Variants in CALCR observed in about 807,000 individuals in gnomAD.
CALCR encodes the protein calcitonin receptor.
In CALCR, 47 loss-of-function variants were observed where a neutral mutation model predicts 59.5. The ratio of observed to expected loss-of-function variants is 0.79; its 90% CI spans 0.63 to 1.01. The LOEUF (loss-of-function observed/expected upper bound fraction) is 1.01. Among genes scored for constraint, CALCR ranks in the 50% least tolerant of loss-of-function variants. The pLI is 0.00. For missense variants in CALCR, 566 were observed against 597.1 expected, an observed-to-expected ratio of 0.95 and a Z score of 0.54; for synonymous variants, 213 against 211.3, an observed-to-expected ratio of 1.01 and a Z score of -0.07.
intron 12 of CALCR, among the ~76,000 whole-genome samples, 190 bp from the exon 13 acceptor site, chr7:93,434,484 G>A (rs1336615321): frequency 6.6e-6 from 1 of 151,746 alleles, no homozygotes; most frequent in Non-Finnish European, 1.5e-5. Flanking sequence ...TTCTTGTTAG[G>A]ATTCCATCGT....
At chr7:93,542,574 T>C (rs1789172638) in intron 2 of CALCR, among the ~76,000 whole-genome samples, 1 of 152,176 alleles carries the variant, frequency 6.6e-6, no homozygotes, top group South Asian at 2.1e-4. Context: ...AATTTTTCTT[T>C]CTCCAATAAT....
At chr7:93,465,877 T>C (rs978814470) in intron 7 of CALCR, among the ~76,000 whole-genome samples, 4 of 151,872 alleles carry the variant, frequency 2.6e-5, no homozygotes, top group African/African-American at 9.7e-5. Context: ...TAGTGAAGTA[T>C]TGGCAGTTCC....
At chr7:93,553,090 T>G (rs934260951) in intron 2 of CALCR, among the ~76,000 whole-genome samples, 1 of 152,160 alleles carries the variant, frequency 6.6e-6, no homozygotes, top group Admixed American at 6.6e-5. Context: ...AGGGAAAAAG[T>G]TTTCAAATAA....
chr7:93,568,551 C>CTCTCTCTG (rs1789924110), intron 2 of CALCR, among the ~76,000 whole-genome samples: 1 of 144,014 alleles, frequency 6.9e-6, no homozygotes, highest in South Asian at 2.2e-4. Flanking sequence ...CTCTCTCTCT[C>CTCTCTCTG]TCTCTGTCTC....
rs574367748 is a variant in CALCR at position 93,503,114 on chromosome 7, T to G, written c.-26-16107A>C. On this transcript the variant is annotated intron_variant, in intron 2 of 13. Coordinates refer to ENST00000426151, the MANE Select transcript of CALCR (RefSeq NM_001742.4). ...ATCTCAGTTTTTTAAAAGAAATGAT[T>G]TTTTCTTTTCCTCAAGTTACATGAT... is the stretch of plus-strand genomic sequence containing the variant. Among the ~76,000 whole-genome samples the G allele has an allele frequency of 2.0e-5, 3 of 152,136 alleles. No homozygotes were observed. The East Asian group carries it at 5.8e-4, about 30-fold the overall frequency.
At chr7:93,473,213 C>T (rs764807949) in intron 5 of CALCR, among the ~76,000 whole-genome samples, 4 of 151,808 alleles carry the variant, frequency 2.6e-5, no homozygotes, top group Non-Finnish European at 5.9e-5. Flanking sequence ...TAAAGATCTC[C>T]ACCTTCGCTA....
At chr7:93,480,234 A>C (rs778121113) in intron 3 of CALCR, among the ~76,000 whole-genome samples, 1 of 151,886 alleles carries the variant, frequency 6.6e-6, no homozygotes, top group African/African-American at 2.4e-5. Context: ...TTCAAAGGTA[A>C]TGTGGGTGTT....
Position 93,549,441 on chromosome 7 carries a change from G to A in CALCR, c.-27+24848C>T, listed in dbSNP as rs114167932. ...CAACTACTGAATTTTCCAGTTTCCT[G>A]AGCATTCTGAATTTGTAAACCATTT... On this transcript the variant is annotated intron_variant, in intron 2 of 13. Transcript: ENST00000426151. Among the ~76,000 whole-genome samples the A allele has an allele frequency of 3.5e-3, 537 of 152,242 alleles. 5 individuals are homozygous for A. The highest frequency in any genetic ancestry group is 0.012 in the African/African-American group (505 of 41,558).
chr7:93,574,014 T>G (rs1790062218), intron 2 of CALCR, among the ~76,000 whole-genome samples: 1 of 152,230 alleles, frequency 6.6e-6, no homozygotes, highest in Non-Finnish European at 1.5e-5. Flanking sequence ...AAAATTGATA[T>G]GAACAACATA....
intron 13 of CALCR, among the ~76,000 whole-genome samples, chr7:93,428,334 G>A (rs1052713151): frequency 2.0e-5 from 3 of 152,230 alleles, no homozygotes; most frequent in Admixed American, 6.5e-5. Flanking sequence ...AAATCATATA[G>A]CTAGAATGTG....
intron 2 of CALCR, among the ~76,000 whole-genome samples, chr7:93,488,117 G>T (rs1800989385): frequency 6.6e-6 from 1 of 151,624 alleles, no homozygotes; most frequent in Non-Finnish European, 1.5e-5. Flanking sequence ...CATTCTTAAA[G>T]AAAAGAATTT....
At chr7:93,438,900 G>GT (rs1157285652) in intron 9 of CALCR, among the ~76,000 whole-genome samples, 2 of 148,538 alleles carry the variant, frequency 1.3e-5, no homozygotes, top group Non-Finnish European at 3.0e-5. Flanking sequence ...CAAAGTGCTA[G>GT]TAAAAAAAAA....
At chr7:93,556,802 G>C (rs569309317) in intron 2 of CALCR, among the ~76,000 whole-genome samples, 2 of 151,772 alleles carry the variant, frequency 1.3e-5, no homozygotes, top group African/African-American at 4.8e-5. Context: ...TTTCCCTATT[G>C]ATTGGCATTT....
chr7:93,431,443 G>A (rs912504294), intron 13 of CALCR, among the ~76,000 whole-genome samples: 2 of 152,160 alleles, frequency 1.3e-5, no homozygotes, highest in African/African-American at 2.4e-5. Flanking sequence ...GGCTCCTCGG[G>A]TGGCTTGGCG....
chr7:93,483,912 C>T (rs780030771), intron 3 of CALCR: 1 of 451,696 alleles, frequency 2.2e-6, no homozygotes, highest in South Asian at 1.6e-5. Context: ...TACAAACAAA[C>T]AAAACTCTTA....
intron 8 of CALCR, among the ~76,000 whole-genome samples, chr7:93,453,485 T>C (rs1313858099): frequency 6.6e-6 from 1 of 151,960 alleles, no homozygotes; most frequent in Non-Finnish European, 1.5e-5. Context: ...CGAGTGTCAC[T>C]TCACAACGTT....
intron 2 of CALCR, among the ~76,000 whole-genome samples, chr7:93,562,071 C>G (rs1789763571): frequency 1.3e-5 from 2 of 151,780 alleles, no homozygotes; most frequent in Non-Finnish European, 2.9e-5. Flanking sequence ...AATGATTCAT[C>G]CAAGAATCTT....
At chr7:93,566,239 C>A in intron 2 of CALCR, among the ~76,000 whole-genome samples, 1 of 152,066 alleles carries the variant, frequency 6.6e-6, no homozygotes, top group East Asian at 1.9e-4. Context: ...AACTATATCA[C>A]ATTTCACTTT....
At chr7:93,432,647 A>G (rs1799682159) in intron 13 of CALCR, among the ~76,000 whole-genome samples, 1 of 152,230 alleles carries the variant, frequency 6.6e-6, no homozygotes, top group Non-Finnish European at 1.5e-5. Flanking sequence ...GACACTTCCA[A>G]TGACAGTATC....
Sources: gnomAD v4.1 joint callset for allele counts (sites outside exome capture counted in the v4.1 genomes callset) on GRCh38, gnomAD v4.1.1 for gene constraint, MANE v1.5 for transcripts, NCBI Gene and HGNC (gene_info 2026-07-23, HGNC 2026-07-21) for gene names.